Variants in ADD1 observed in about 807,000 individuals in gnomAD.
The protein encoded by ADD1 is alpha-adducin.
ADD1 carries 24 observed loss-of-function variants against 80.5 expected under a neutral mutation model. The observed-to-expected ratio is 0.30, with a 90% CI of 0.22 to 0.42. The LOEUF (loss-of-function observed/expected upper bound fraction) is 0.42. Among genes scored for constraint, ADD1 ranks in the 10% least tolerant of loss-of-function variants. The pLI, the probability that ADD1 is intolerant of heterozygous loss-of-function variation, is 1.00. For missense variants in ADD1, 948 were observed against 1,019.0 expected (o/e 0.93, Z 0.95); for synonymous variants, 373 against 393.8 (o/e 0.95, Z 0.63).
intron 4 of ADD1, among the ~76,000 whole-genome samples, chr4:2,890,027 GTC>G (rs1251927507): frequency 6.6e-6 from 1 of 150,620 alleles, no homozygotes; most frequent in Non-Finnish European, 1.5e-5. Flanking sequence ...GTGAAACTCC[GTC>G]TCTGCTAAAA....
chr4:2,925,483 C>T (rs1740812344), intron 14 of ADD1, among the ~76,000 whole-genome samples: 1 of 152,232 alleles, frequency 6.6e-6, no homozygotes, highest in Admixed American at 6.5e-5. Context: ...CTAGTTCCTG[C>T]ATTTTTTCCT....
chr4:2,899,496 T>G, intron 9 of ADD1, 61 bp downstream of exon 9: 2 of 1,593,348 alleles, frequency 1.3e-6, no homozygotes. Context: ...AGTGTTGGTG[T>G]TCTTACAGCA....
chr4:2,898,130 A>G, intron 6 of ADD1, 54 bp from the exon 7 acceptor site: 3 of 1,552,780 alleles, frequency 1.9e-6, no homozygotes, highest in Middle Eastern at 2.0e-4. Flanking sequence ...CCATATCATC[A>G]GTCATTGTGT....
intron 1 of ADD1, among the ~76,000 whole-genome samples, chr4:2,852,695 T>C (rs1483416035): frequency 9.8e-5 from 14 of 143,552 alleles, no homozygotes; most frequent in African/African-American, 3.0e-4. Flanking sequence ...GCAGGAAATA[T>C]CTTTTTTTTT....
intron 1 of ADD1, among the ~76,000 whole-genome samples, chr4:2,864,305 C>T (rs1044865944): frequency 2.6e-5 from 4 of 152,022 alleles, no homozygotes; most frequent in South Asian, 2.1e-4. Flanking sequence ...CCCAGCTGTT[C>T]GGGAGGCTGA....
intron 13 of ADD1, among the ~76,000 whole-genome samples, chr4:2,914,016 G>A (rs1738528622): frequency 6.7e-6 from 1 of 148,160 alleles, no homozygotes; most frequent in Non-Finnish European, 1.5e-5. Context: ...CCGAGATTGC[G>A]CCACTACACT....
Position 2,907,757 on chromosome 4 carries a change from T to C in ADD1, c.1521T>C (p.Asp507=). ...TGATATTACAGTGGACTAAAGAGGATGGACATAGAACTTCCACCTCTGCTG... is the reference window on the plus strand; with the variant it reads ...TGATATTACAGTGGACTAAAGAGGACGGACATAGAACTTCCACCTCTGCTG... ...CITNCLWTKE[D]GHRTSTSAVP... The change falls in exon 11 of 16, where the codon GAT becomes GAC. Residue 507 remains aspartate, a synonymous_variant. Coordinates refer to ENST00000683351, the MANE Select transcript of ADD1 (RefSeq NM_001354761.2). 1.9e-6 allele frequency: 3 copies of C among 1,613,978 alleles called. No individual in the cohort carries two copies. The highest frequency in any genetic ancestry group is 2.5e-6 in the Non-Finnish European group (3 of 1,179,870).
intron 1 of ADD1, among the ~76,000 whole-genome samples, chr4:2,851,577 T>G (rs1310530864): frequency 6.6e-6 from 1 of 152,252 alleles, no homozygotes; most frequent in Non-Finnish European, 1.5e-5. Context: ...GTTTGCAGTT[T>G]AGTAGGAACT....
At chr4:2,856,484 T>C (rs943894191) in intron 1 of ADD1, among the ~76,000 whole-genome samples, 16 of 152,140 alleles carry the variant, frequency 1.1e-4, no homozygotes, top group African/African-American at 3.6e-4. Context: ...TGTAGATTCA[T>C]GTCTTTCAGC....
intron 13 of ADD1, chr4:2,914,568 A>T: frequency 3.9e-6 from 1 of 255,140 alleles, no homozygotes; most frequent in Middle Eastern, 1.2e-3. Context: ...TCTGCTCCAC[A>T]GTGAGGAGTG....
At chr4:2,908,648 G>C in intron 12 of ADD1, 44 bp downstream of exon 12, 1 of 1,496,752 alleles carries the variant, frequency 6.7e-7, no homozygotes. Context: ...TGGTGGCTGT[G>C]TGACCGCCTG....
intron 1 of ADD1, among the ~76,000 whole-genome samples, chr4:2,847,787 C>T (rs1726476985): frequency 6.6e-6 from 1 of 152,044 alleles, no homozygotes; most frequent in African/African-American, 2.4e-5. Flanking sequence ...CAGCTTGAAG[C>T]AGGGAGGGAG....
At chr4:2,863,946 CAG>C (rs892694512) in intron 1 of ADD1, among the ~76,000 whole-genome samples, 1 of 152,152 alleles carries the variant, frequency 6.6e-6, no homozygotes, top group African/African-American at 2.4e-5. Context: ...CTGATATGAA[CAG>C]AATCATTTTG....
intron 1 of ADD1, among the ~76,000 whole-genome samples, chr4:2,862,024 T>C (rs1728893437): frequency 6.6e-6 from 1 of 152,192 alleles, no homozygotes; most frequent in African/African-American, 2.4e-5. Context: ...GCCAAAAGAT[T>C]GGACACCCCT....
In ADD1 at chr4:2,925,829, G is replaced by A. The variant is rs532723950; in HGVS notation, c.1949-185G>A. On this transcript the variant is annotated intron_variant, in intron 14 of 15. Coordinates refer to ENST00000683351, the MANE Select transcript of ADD1 (RefSeq NM_001354761.2). Reference sequence around the variant, plus strand: ...AGTTGGTTAAGTTTCTCTGAAATTCGCATCAGTCAACACCCAGGTCACAGC... The same window carrying A: ...AGTTGGTTAAGTTTCTCTGAAATTCACATCAGTCAACACCCAGGTCACAGC... 1.6e-4 allele frequency among the ~76,000 whole-genome samples: 24 copies of A among 152,316 alleles called. No individual in the cohort carries two copies. The South Asian group carries it at 4.6e-3, about 29-fold the overall frequency.
rs1405595061 is a variant in ADD1, at chr4:2,929,902, C to T, written c.*1379C>T. ...TCTTCCTTTATCCCCTCCTTTACCC[C>T]ACATATGCAATGACTTTTAATTTTC... On this transcript the variant is annotated 3_prime_UTR_variant, in exon 16 of 16. Coordinates refer to ENST00000683351, the MANE Select transcript of ADD1 (RefSeq NM_001354761.2). The T allele has an allele frequency of 2.0e-5, 3 of 152,684 alleles. No individual in the cohort carries two copies. Among genetic ancestry groups the T allele is most frequent in the African/African-American group, 7.2e-5 (3 of 41,470 alleles). 9.5% of individuals were successfully genotyped at this position (152,684 alleles called of 1,614,324 possible).
chr4:2,907,662 T>G, intron 10 of ADD1, 81 bp from the exon 11 acceptor site: 2 of 1,163,722 alleles, frequency 1.7e-6, no homozygotes, highest in Non-Finnish European at 2.6e-6. Context: ...TGACCAGATG[T>G]GAGATAAACT....
intron 12 of ADD1, chr4:2,908,970 C>G (rs918671611): frequency 6.8e-6 from 3 of 440,040 alleles, no homozygotes; most frequent in African/African-American, 4.0e-5. Context: ...TTGCTGTCTG[C>G]AACAAAGTGC....
intron 2 of ADD1, among the ~76,000 whole-genome samples, chr4:2,877,040 T>C (rs992640670): frequency 6.6e-6 from 1 of 150,854 alleles, no homozygotes; most frequent in Non-Finnish European, 1.5e-5. Flanking sequence ...GTCTCCTGGG[T>C]GTATGGTCAG....
Sources: allele counts gnomAD v4.1 joint callset (sites outside exome capture counted in the v4.1 genomes callset), GRCh38; gene constraint gnomAD v4.1.1; transcripts MANE v1.5; gene names NCBI Gene and HGNC (gene_info 2026-07-23, HGNC 2026-07-21).